Variants in PPP2R5A observed in about 807,000 individuals in gnomAD.
PPP2R5A encodes serine/threonine-protein phosphatase 2A 56 kDa regulatory subunit alpha isoform.
A neutral mutation model predicts 64.2 loss-of-function variants in PPP2R5A; 25 were observed. The observed-to-expected ratio is 0.39, with a 90% confidence interval of 0.28 to 0.54. The LOEUF is 0.54. Among genes scored for constraint, PPP2R5A ranks in the 20% least tolerant of loss-of-function variants. The pLI, the probability that PPP2R5A is intolerant of heterozygous loss-of-function variation, is 0.67. For missense variants in PPP2R5A, 425 were observed against 576.3 expected, an observed-to-expected ratio of 0.74 and a Z score of 2.69; for synonymous variants, 198 against 201.2, an observed-to-expected ratio of 0.98 and a Z score of 0.13.
intron 3 of PPP2R5A, among the ~76,000 whole-genome samples, chr1:212,335,434 C>T (rs1659576388): frequency 6.7e-6 from 1 of 149,282 alleles, no homozygotes; most frequent in Non-Finnish European, 1.5e-5. Flanking sequence ...GAGATTGCGC[C>T]ATTGCACTCC....
chr1:212,351,566 T>G (rs920449337), intron 8 of PPP2R5A, among the ~76,000 whole-genome samples: 13 of 151,938 alleles, frequency 8.6e-5, no homozygotes. Context: ...ATACAAAAAT[T>G]AGCCGGGCGT....
chr1:212,309,302 G>C (rs1373025635), intron 1 of PPP2R5A: 6 of 1,529,496 alleles, frequency 3.9e-6, no homozygotes, highest in African/African-American at 1.4e-5. Flanking sequence ...ATAGCATAGT[G>C]GTCAAGTTTG....
At chr1:212,297,434 C>T (rs1394485330) in intron 1 of PPP2R5A, 1 of 151,988 alleles carries the variant, frequency 6.6e-6, no homozygotes, top group Non-Finnish European at 1.5e-5. Flanking sequence ...TTTTTGATAA[C>T]TTGAAATGAG....
chr1:212,288,020 A>C (rs1658534880), intron 1 of PPP2R5A, among the ~76,000 whole-genome samples: 1 of 152,026 alleles, frequency 6.6e-6, no homozygotes, highest in South Asian at 2.1e-4. Flanking sequence ...TTTTGCTTTT[A>C]TTTTATTTAT....
At chr1:212,297,534 A>G (rs1658720573) in intron 1 of PPP2R5A, 1 of 152,200 alleles carries the variant, frequency 6.6e-6, no homozygotes, top group Non-Finnish European at 1.5e-5. Context: ...AAAGACTAAG[A>G]CTAAGCCTAG....
intron 1 of PPP2R5A, chr1:212,297,764 C>A (rs961164026): frequency 6.6e-6 from 1 of 151,262 alleles, no homozygotes; most frequent in Non-Finnish European, 1.5e-5. Context: ...AATATGAGAG[C>A]ATTTGTTTTA....
At chr1:212,356,190 A>G (rs1659974702) in intron 8 of PPP2R5A, among the ~76,000 whole-genome samples, 1 of 152,200 alleles carries the variant, frequency 6.6e-6, no homozygotes, top group Admixed American at 6.5e-5. Flanking sequence ...AATGGTTTAA[A>G]TAACAGGAAT....
intron 1 of PPP2R5A, among the ~76,000 whole-genome samples, chr1:212,311,282 C>A (rs866728814): frequency 1.3e-5 from 2 of 152,206 alleles, no homozygotes; most frequent in Middle Eastern, 3.4e-3. Context: ...TCCTGGCTAA[C>A]ACGGTGAAAC....
At chr1:212,344,879 A>G (rs1308606242) in intron 4 of PPP2R5A, among the ~76,000 whole-genome samples, 3 of 152,126 alleles carry the variant, frequency 2.0e-5, no homozygotes, top group Non-Finnish European at 4.4e-5. Flanking sequence ...TGAAAAATCT[A>G]TGGGCTGGGC....
intron 1 of PPP2R5A, chr1:212,299,514 C>G (rs1571576053): frequency 1.3e-5 from 2 of 152,162 alleles, no homozygotes; most frequent in South Asian, 4.1e-4. Context: ...TACTATCTTT[C>G]TGATCATTTT....
intron 1 of PPP2R5A, among the ~76,000 whole-genome samples, chr1:212,304,738 T>G (rs1344356807): frequency 6.7e-6 from 1 of 149,084 alleles, no homozygotes; most frequent in Non-Finnish European, 1.5e-5. Context: ...CCAGTTTTTT[T>G]TTTTTTTTTT....
intron 3 of PPP2R5A, 121 bp downstream of exon 3, chr1:212,333,719 CAT>C: frequency 1.9e-6 from 1 of 519,614 alleles, no homozygotes; most frequent in Non-Finnish European, 3.3e-6. Flanking sequence ...GTTTTATTAA[CAT>C]TATCTTCTTT....
chr1:212,347,205 GC>G lies in PPP2R5A; in HGVS notation c.705-141del. The G allele has an allele frequency of 4.9e-6, 3 of 614,190 alleles. No homozygotes were observed. In the South Asian group the frequency reaches 5.7e-5, roughly 12 times the overall value. 38.0% of individuals were successfully genotyped at this position (614,190 alleles called of 1,614,324 possible). A position where few individuals can be genotyped will look rare whatever the true frequency, so the allele number is the denominator to read the frequency against. On this transcript the variant is annotated intron_variant, in intron 5 of 12. Coordinates refer to ENST00000261461, the MANE Select transcript of PPP2R5A (RefSeq NM_006243.4). ...GATTGATATGAATTAACTGTTTGGGGCAAAACTGCTTATAAGACCCAAAACA... is the reference window on the plus strand; with the variant it reads ...GATTGATATGAATTAACTGTTTGGGGAAAACTGCTTATAAGACCCAAAACA...
chr1:212,341,822 C>T (rs1054578019), intron 3 of PPP2R5A, among the ~76,000 whole-genome samples: 2 of 152,060 alleles, frequency 1.3e-5, no homozygotes, highest in Admixed American at 6.6e-5. Context: ...TAACTGCAGC[C>T]TTGACCTCCA....
intron 1 of PPP2R5A, chr1:212,301,730 T>C: frequency 1.2e-6 from 1 of 851,138 alleles, no homozygotes; most frequent in Non-Finnish European, 1.4e-6. Context: ...ATGTCCTATA[T>C]TCTGTGCCAG....
At chr1:212,312,630 A>G (rs1023267251) in intron 1 of PPP2R5A, among the ~76,000 whole-genome samples, 3 of 152,212 alleles carry the variant, frequency 2.0e-5, no homozygotes, top group East Asian at 1.9e-4. Flanking sequence ...AATCATGCCA[A>G]TAAATCTGAA....
intron 3 of PPP2R5A, among the ~76,000 whole-genome samples, chr1:212,334,527 C>T (rs1350599244): frequency 6.6e-6 from 1 of 152,164 alleles, no homozygotes; most frequent in African/African-American, 2.4e-5. Context: ...CACCTGAGCT[C>T]AAGCAGCCCA....
rs544302079 is a variant in PPP2R5A, at chr1:212,352,979, G to A, written c.928-3647G>A. 3 of 516,290 alleles carry A rather than the reference G, an allele frequency of 5.8e-6. No homozygotes were observed. In the East Asian group the frequency reaches 1.6e-4, roughly 28 times the overall value. The allele number at this position is 516,290 out of a possible 1,614,324, so 32.0% of individuals were successfully genotyped here. Reference sequence around the variant, plus strand: ...TTGGGAGGAAAAATGACAAGCATTTGTTGCCTTAGTTGCTGTGAATCCAGA... The same window carrying A: ...TTGGGAGGAAAAATGACAAGCATTTATTGCCTTAGTTGCTGTGAATCCAGA... On this transcript the variant is annotated intron_variant, in intron 8 of 12. Transcript: ENST00000261461.
At chr1:212,309,280 G>A (rs372173853) in intron 1 of PPP2R5A, 49 of 1,527,508 alleles carry the variant, frequency 3.2e-5, no homozygotes, top group African/African-American at 1.8e-4. Flanking sequence ...AGTGGTCAGC[G>A]GAAACTTGAT....
Sources: allele counts gnomAD v4.1 joint callset (sites outside exome capture counted in the v4.1 genomes callset), GRCh38; gene constraint gnomAD v4.1.1; transcripts MANE v1.5; gene names NCBI Gene and HGNC (gene_info 2026-07-23, HGNC 2026-07-21).